The following UBE2D2 variants were observed in gnomAD, a reference collection of about 807,000 sequenced individuals.
UBE2D2 encodes ubiquitin conjugating enzyme E2 D2, also known as ubiquitin-conjugating enzyme E2 D2.
A neutral mutation model predicts 24.2 loss-of-function variants in UBE2D2; 2 were observed. That is an observed-to-expected ratio of 0.08 (90% CI 0.03 to 0.26). The LOEUF is 0.26. UBE2D2 is among the 10% of genes least tolerant of loss of function. UBE2D2 has a pLI of 1.00. For missense variants in UBE2D2, 44 were observed against 177.6 expected, an observed-to-expected ratio of 0.25 and a Z score of 4.28; for synonymous variants, 58 against 56.5, an observed-to-expected ratio of 1.03 and a Z score of -0.12.
chr5:139,600,156 A>G (rs1159806232), intron 1 of UBE2D2: 1 of 635,940 alleles, frequency 1.6e-6, no homozygotes, highest in African/African-American at 1.8e-5. Flanking sequence ...AGCTCTGAAC[A>G]AAGCAAAAAT....
intron 1 of UBE2D2, among the ~76,000 whole-genome samples, chr5:139,555,816 C>G (rs1752973852): frequency 6.8e-6 from 1 of 146,304 alleles, no homozygotes. Context: ...GTCCCAGCTA[C>G]TTGGGAGGCT....
At chr5:139,559,153 G>A (rs1232042467), upstream of UBE2D2, among the ~76,000 whole-genome samples, 6 of 152,074 alleles carry the variant, frequency 3.9e-5, no homozygotes, top group African/African-American at 1.2e-4. Context: ...TCGGCCGGGC[G>A]CGGTGGCTCA....
intron 5 of UBE2D2, among the ~76,000 whole-genome samples, chr5:139,618,402 T>A (rs1345236675): frequency 6.6e-6 from 1 of 152,186 alleles, no homozygotes; most frequent in African/African-American, 2.4e-5. Context: ...TTTAATGAAA[T>A]AGTTTTTTAG....
At chr5:139,598,686 A>G (rs1561515783) in intron 1 of UBE2D2, among the ~76,000 whole-genome samples, 3 of 147,580 alleles carry the variant, frequency 2.0e-5, no homozygotes, top group Admixed American at 6.9e-5. Context: ...TGAGCCTCTC[A>G]AGTAGCTGGG....
intron 1 of UBE2D2, among the ~76,000 whole-genome samples, chr5:139,530,449 T>A (rs898663423): frequency 1.3e-5 from 2 of 152,168 alleles, no homozygotes; most frequent in Admixed American, 1.3e-4. Context: ...TCTGAAAGAA[T>A]CATACAATAC....
chr5:139,600,628 T>C (rs1754051959), intron 2 of UBE2D2, among the ~76,000 whole-genome samples, 193 bp downstream of exon 2: 1 of 152,194 alleles, frequency 6.6e-6, no homozygotes, highest in Non-Finnish European at 1.5e-5. Flanking sequence ...GGCTATGTAG[T>C]TGTTCTAGTC....
intron 6 of UBE2D2, among the ~76,000 whole-genome samples, chr5:139,625,866 A>G (rs923286392): frequency 6.6e-6 from 1 of 152,082 alleles, no homozygotes; most frequent in Admixed American, 6.6e-5. Context: ...CAGCCTCCCA[A>G]AGTGCTGGGA....
intron 1 of UBE2D2, among the ~76,000 whole-genome samples, chr5:139,547,407 G>A (rs1022554745): frequency 7.2e-5 from 11 of 152,118 alleles, no homozygotes; most frequent in East Asian, 1.9e-4. Flanking sequence ...GTAGAGACGC[G>A]GTTTCACCAT....
intron 2 of UBE2D2, among the ~76,000 whole-genome samples, chr5:139,608,694 A>T (rs1211727413): frequency 6.6e-6 from 1 of 152,160 alleles, no homozygotes; most frequent in Admixed American, 6.5e-5. Flanking sequence ...TGCGTTGTCC[A>T]ATTGTTAGTA....
chr5:139,550,860 C>T (rs982144587), intron 1 of UBE2D2, among the ~76,000 whole-genome samples: 7 of 152,120 alleles, frequency 4.6e-5, no homozygotes, highest in Admixed American at 6.6e-5. Flanking sequence ...GAACAAACTC[C>T]GGACATACCA....
upstream of UBE2D2, among the ~76,000 whole-genome samples, chr5:139,557,581 C>T (rs1192031118): frequency 6.6e-6 from 1 of 151,952 alleles, no homozygotes; most frequent in Non-Finnish European, 1.5e-5. Flanking sequence ...AACCCTGTCT[C>T]TACTAAAAAA....
At chr5:139,609,854 C>T (rs1754276227) in intron 2 of UBE2D2, among the ~76,000 whole-genome samples, 1 of 151,138 alleles carries the variant, frequency 6.6e-6, no homozygotes, top group Non-Finnish European at 1.5e-5. Context: ...TCACTGCAAC[C>T]TCCGCCTCCT....
chr5:139,583,499 C>G (rs182312518), intron 1 of UBE2D2, among the ~76,000 whole-genome samples: 2 of 152,114 alleles, frequency 1.3e-5, no homozygotes, highest in African/African-American at 4.8e-5. Context: ...CAGTGGCTTA[C>G]GCCTGTAATC....
chr5:139,627,125 G>A lies in UBE2D2; in HGVS notation c.*324G>A. On this transcript the variant is annotated 3_prime_UTR_variant, in exon 7 of 7. Transcript: ENST00000398733. ...ACAGCAAGGTGTGAGGGGGGTGGTGGGTATGGTGTGTGCTTGGATGGGAAA... is the reference window on the plus strand; with the variant it reads ...ACAGCAAGGTGTGAGGGGGGTGGTGAGTATGGTGTGTGCTTGGATGGGAAA... The A allele has an allele frequency of 3.8e-6, 1 of 262,356 alleles. No individual in the cohort carries two copies. The highest frequency in any genetic ancestry group is 7.3e-6 in the Non-Finnish European group (1 of 136,724). 16.3% of individuals were successfully genotyped at this position (262,356 alleles called of 1,614,324 possible). A position where few individuals can be genotyped will look rare whatever the true frequency, so the allele number is the denominator to read the frequency against.
intron 1 of UBE2D2, among the ~76,000 whole-genome samples, chr5:139,584,922 C>G (rs1485997468): frequency 8.0e-6 from 1 of 125,620 alleles, no homozygotes; most frequent in Non-Finnish European, 1.7e-5. Context: ...TTTTTTGAGA[C>G]ACAGGTTCGC....
rs191983360 is a variant in UBE2D2 at position 139,586,974 on chromosome 5, A to G, written c.25-13398A>G. ...TAGGCTGAAGTACAGTGGCACTATCATAGTGTTAACAGGGGTCCTTGCTCC... is the reference window on the plus strand; with the variant it reads ...TAGGCTGAAGTACAGTGGCACTATCGTAGTGTTAACAGGGGTCCTTGCTCC... On this transcript the variant is annotated intron_variant, in intron 1 of 6. Transcript: ENST00000398733. 5.3e-5 allele frequency among the ~76,000 whole-genome samples: 8 copies of G among 152,242 alleles called. No individual in the cohort carries two copies. The East Asian group carries it at 1.4e-3, about 26-fold the overall frequency.
rs1358197718 is a variant in UBE2D2 at position 139,547,278 on chromosome 5, G to A, written c.-64+20666G>A. Among the ~76,000 whole-genome samples the A allele has an allele frequency of 6.6e-5, 10 of 152,062 alleles. No individual in the cohort carries two copies. The South Asian group carries it at 1.0e-3, about 16-fold the overall frequency. ...TGCACTCCAGCCTGGGTGACAGAGC[G>A]AGACTCCGTCTCAAAAAAAAAGTGG... On this transcript the variant is annotated intron_variant, in intron 1 of 6. Transcript: ENST00000511725.
intron 1 of UBE2D2, among the ~76,000 whole-genome samples, chr5:139,568,034 A>C (rs951543812): frequency 6.6e-6 from 1 of 152,312 alleles, no homozygotes; most frequent in Non-Finnish European, 1.5e-5. Flanking sequence ...AACGCTGAAC[A>C]GTACTGTATT....
chr5:139,623,352 A>G lies in UBE2D2; in HGVS notation c.305-16A>G. The G allele has an allele frequency of 6.4e-7, 1 of 1,557,070 alleles. No individual in the cohort carries two copies. The highest frequency in any genetic ancestry group is 8.8e-7 in the Non-Finnish European group (1 of 1,139,890). ...CTTTGATCCTCTGCTAATTTATATG[A>G]TTTTTTTCATTCTAGTACTCTTGTC... On this transcript the variant is annotated splice_polypyrimidine_tract_variant and intron_variant, in intron 5 of 6. Coordinates refer to ENST00000398733, the MANE Select transcript of UBE2D2 (RefSeq NM_003339.3).
Sources: allele counts gnomAD v4.1 joint callset (sites outside exome capture counted in the v4.1 genomes callset), GRCh38; gene constraint gnomAD v4.1.1; transcripts MANE v1.5; gene names NCBI Gene and HGNC (gene_info 2026-07-23, HGNC 2026-07-21).